The following AHCYL1 variants were observed in gnomAD, a reference collection of about 807,000 sequenced individuals.
AHCYL1 encodes S-adenosylhomocysteine hydrolase-like protein 1.
Under a neutral mutation model 79.3 loss-of-function variants are expected in AHCYL1, and 20 were observed. That is an observed-to-expected ratio of 0.25 (90% CI 0.18 to 0.37). AHCYL1 has a LOEUF of 0.37. AHCYL1 is among the 10% of genes least tolerant of loss of function. AHCYL1 has a pLI of 1.00. For synonymous variants in AHCYL1, 223 were observed against 242.2 expected (o/e 0.92, Z 0.74); for missense variants, 330 against 673.6 (o/e 0.49, Z 5.65).
At chr1:110,019,223 T>C (rs1651632141) in intron 14 of AHCYL1, 104 bp downstream of exon 14, 24 of 1,161,084 alleles carry the variant, frequency 2.1e-5, no homozygotes, top group Non-Finnish European at 2.8e-5. Flanking sequence ...CATCCTATTC[T>C]TTTTTGATGT....
intron 1 of AHCYL1, chr1:109,995,718 A>G (rs1649995960): frequency 2.0e-6 from 2 of 984,620 alleles, no homozygotes; most frequent in Non-Finnish European, 2.4e-6. Flanking sequence ...AGTCACATAG[A>G]GGGTTTTTTC....
At chr1:109,988,896 C>T (rs1292028301) in intron 1 of AHCYL1, among the ~76,000 whole-genome samples, 2 of 152,178 alleles carry the variant, frequency 1.3e-5, no homozygotes, top group Admixed American at 6.5e-5. Context: ...GGTGTTAACC[C>T]GATAGGTAAA....
chr1:110,015,622 A>G (rs1193251096), intron 7 of AHCYL1, 91 bp downstream of exon 7: 5 of 1,008,552 alleles, frequency 5.0e-6, no homozygotes, highest in African/African-American at 3.3e-5. Flanking sequence ...TTTCAGACTT[A>G]TAACTAAATG....
At position 110,019,639 on chromosome 1, in the gene AHCYL1, CAG is replaced by C. The variant is rs776746996; in HGVS notation, c.1465+14_1465+15del. On this transcript the variant is annotated intron_variant, in intron 15 of 16. Coordinates refer to ENST00000369799, the MANE Select transcript of AHCYL1 (RefSeq NM_006621.7). ...CCTAAGAAAATGGGTGAGTGAAAAA[CAG>C]TGGAAATCTATGCAGACAGCTGCAT... The C allele has an allele frequency of 1.9e-6, 3 of 1,606,946 alleles. No individual in the cohort carries two copies. Among genetic ancestry groups the C allele is most frequent in the Non-Finnish European group, 8.5e-7 (1 of 1,176,602 alleles).
chr1:110,002,917 T>C (rs1206436513), intron 1 of AHCYL1, among the ~76,000 whole-genome samples: 1 of 152,186 alleles, frequency 6.6e-6, no homozygotes, highest in Non-Finnish European at 1.5e-5. Context: ...GGAAACCCTC[T>C]GAAAAATTCA....
intron 1 of AHCYL1, among the ~76,000 whole-genome samples, chr1:109,992,383 C>T (rs1415221117): frequency 3.5e-5 from 5 of 142,858 alleles, no homozygotes; most frequent in Admixed American, 3.1e-4. Flanking sequence ...GTACTCCAGC[C>T]TGGCAACAGA....
Position 110,017,938 on chromosome 1 carries a change from T to A in AHCYL1, c.1053-8T>A, listed in dbSNP as rs763606390. 2 of 1,614,124 alleles carry A rather than the reference T, an allele frequency of 1.2e-6. No individual in the cohort carries two copies. Among genetic ancestry groups the A allele is most frequent in the Non-Finnish European group, 1.7e-6 (2 of 1,179,958 alleles). On this transcript the variant is annotated splice_region_variant and splice_polypyrimidine_tract_variant and intron_variant, in intron 10 of 16. Transcript: ENST00000369799. ...CTTTACTCATAGTGTTCCTTTCTTT[T>A]CTTCCAGCATGGATGGGTTCAGGGT...
intron 1 of AHCYL1, chr1:110,004,588 T>G (rs1650527858): frequency 1.3e-6 from 1 of 790,416 alleles, no homozygotes; most frequent in South Asian, 5.8e-5. Flanking sequence ...GATAACTGTT[T>G]CTTTGGGTTC....
intron 16 of AHCYL1, among the ~76,000 whole-genome samples, chr1:110,021,267 T>G (rs1651779049): frequency 6.6e-6 from 1 of 152,014 alleles, no homozygotes; most frequent in African/African-American, 2.4e-5. Flanking sequence ...ACAAAAAAAC[T>G]GTTCCAGTTA....
intron 5 of AHCYL1, among the ~76,000 whole-genome samples, chr1:110,013,614 G>A (rs1484220450): frequency 2.6e-5 from 4 of 151,850 alleles, no homozygotes; most frequent in Non-Finnish European, 4.4e-5. Flanking sequence ...GGAGGCTGAG[G>A]TAGGAGAACC....
intron 2 of AHCYL1, 84 bp downstream of exon 2, chr1:110,009,229 C>T (rs1650863926): frequency 9.6e-6 from 12 of 1,244,454 alleles, no homozygotes; most frequent in Non-Finnish European, 1.4e-5. Context: ...TCTGAAAATA[C>T]CTCATGTTAT....
chr1:110,008,645 C>A (rs1342789316), intron 1 of AHCYL1, among the ~76,000 whole-genome samples: 1 of 152,054 alleles, frequency 6.6e-6, no homozygotes, highest in Admixed American at 6.5e-5. Flanking sequence ...AACCAAAAAA[C>A]CCCAGTAGCA....
chr1:109,994,697 CTTA>C (rs1649938409), intron 1 of AHCYL1, among the ~76,000 whole-genome samples: 1 of 152,192 alleles, frequency 6.6e-6, no homozygotes, highest in Non-Finnish European at 1.5e-5. Context: ...TGGTATCCCA[CTTA>C]TTATTCAATA....
At chr1:109,999,945 T>G (rs1366478638) in intron 1 of AHCYL1, among the ~76,000 whole-genome samples, 2 of 152,082 alleles carry the variant, frequency 1.3e-5, no homozygotes, top group African/African-American at 4.8e-5. Flanking sequence ...ACATAAGACT[T>G]GGAAAGGGTG....
chr1:110,007,037 G>A lies in AHCYL1; in HGVS notation c.121-1997G>A, dbSNP rs3768478. On this transcript the variant is annotated intron_variant, in intron 1 of 16. Transcript: ENST00000369799. ...TTGCTTAGGTTTAGGCTACTGATGAGCTTTATTAATATAAGGGGAAATTAT... is the reference window on the plus strand; with the variant it reads ...TTGCTTAGGTTTAGGCTACTGATGAACTTTATTAATATAAGGGGAAATTAT... 1.9e-4 allele frequency among the ~76,000 whole-genome samples: 29 copies of A among 152,254 alleles called. No homozygotes were observed. The East Asian group carries it at 5.2e-3, about 27-fold the overall frequency.
At chr1:110,015,888 A>T (rs966068325) in intron 7 of AHCYL1, among the ~76,000 whole-genome samples, 2 of 152,212 alleles carry the variant, frequency 1.3e-5, no homozygotes, top group Non-Finnish European at 2.9e-5. Context: ...ACACACTACA[A>T]AAAGTAAAAC....
chr1:109,999,577 C>G (rs1650200953), intron 1 of AHCYL1, among the ~76,000 whole-genome samples: 1 of 152,084 alleles, frequency 6.6e-6, no homozygotes, highest in Non-Finnish European at 1.5e-5. Flanking sequence ...AACCAAGATT[C>G]AGTAATCAGA....
chr1:110,007,721 T>C (rs1437601734), intron 1 of AHCYL1, among the ~76,000 whole-genome samples: 1 of 152,236 alleles, frequency 6.6e-6, no homozygotes, highest in Non-Finnish European at 1.5e-5. Flanking sequence ...CTTAGCTTAA[T>C]GGATTCTCCA....
chr1:110,003,410 G>A (rs1266569241), intron 1 of AHCYL1, among the ~76,000 whole-genome samples: 1 of 151,910 alleles, frequency 6.6e-6, no homozygotes, highest in Non-Finnish European at 1.5e-5. Flanking sequence ...GAGTACAGGT[G>A]TTTATTATAC....
Sources: allele counts gnomAD v4.1 joint callset (sites outside exome capture counted in the v4.1 genomes callset), GRCh38; gene constraint gnomAD v4.1.1; transcripts MANE v1.5; gene names NCBI Gene and HGNC (gene_info 2026-07-23, HGNC 2026-07-21).